HIVEP3: variants seen among roughly 807,000 people sequenced by gnomAD.
HIVEP3 encodes transcription factor HIVEP3.
Under a neutral mutation model 152.8 loss-of-function variants are expected in HIVEP3, and 49 were observed. That is an observed-to-expected ratio of 0.32 (90% CI 0.26 to 0.41). HIVEP3 has a LOEUF of 0.41. HIVEP3 is among the 10% of genes least tolerant of loss of function. The pLI, the probability that HIVEP3 is intolerant of heterozygous loss-of-function variation, is 1.00. For synonymous variants in HIVEP3, 1,269 were observed against 1,289.0 expected (o/e 0.98, Z 0.33); for missense variants, 2,790 against 3,103.3 (o/e 0.90, Z 2.40).
chr1:41,511,086 G>C lies in HIVEP3; in HGVS notation c.6586C>G (p.Pro2196Ala). The change falls in exon 9 of 9, where the codon CCC (proline) becomes GCC (alanine). Residue 2196 changes from proline to alanine, a missense_variant. Physicochemically the swap from Pro to Ala is conservative, Grantham distance 27. Coordinates refer to ENST00000372583, the MANE Select transcript of HIVEP3 (RefSeq NM_024503.5). The surrounding 1 kb of genome is among the most constrained non-coding windows in gnomAD (Gnocchi z 4.9). ...TGCACCATCTGGATCCCACCGATGG[G>C]AATCAAGGGACATGGGGCACGGGTC... The part of the protein sequence containing the change: ...HLTRAPCPLI[P>A]IGGIQMVQAR... 6.2e-7 allele frequency: 1 copy of C among 1,614,184 alleles called. No individual in the cohort carries two copies. Among genetic ancestry groups the C allele is most frequent in the Non-Finnish European group, 8.5e-7 (1 of 1,180,030 alleles).
At chr1:41,961,355 T>C (rs1645168544) in intron 1 of HIVEP3, among the ~76,000 whole-genome samples, 2 of 152,360 alleles carry the variant, frequency 1.3e-5, no homozygotes, top group South Asian at 4.1e-4. Context: ...ATTGCTATTA[T>C]TTTGAGCCAC....
intron 1 of HIVEP3, among the ~76,000 whole-genome samples, chr1:41,726,833 C>G (rs1218096225): frequency 6.6e-6 from 1 of 152,180 alleles, no homozygotes; most frequent in Non-Finnish European, 1.5e-5. Flanking sequence ...GAGGGCTGCC[C>G]TACCCTGAGT....
chr1:41,761,678 T>G (rs1244601182), intron 1 of HIVEP3, among the ~76,000 whole-genome samples: 1 of 152,128 alleles, frequency 6.6e-6, no homozygotes, highest in East Asian at 1.9e-4. Context: ...TATACATAAG[T>G]GTATGAGTAA....
intron 1 of HIVEP3, among the ~76,000 whole-genome samples, chr1:41,875,004 GACC>G (rs931933300): frequency 2.6e-5 from 4 of 152,314 alleles, no homozygotes; most frequent in African/African-American, 7.2e-5. Context: ...CACTTGGAAG[GACC>G]ACATCAATGA....
intron 1 of HIVEP3, among the ~76,000 whole-genome samples, chr1:41,766,554 T>C (rs1352050298): frequency 2.0e-5 from 3 of 152,242 alleles, no homozygotes; most frequent in Non-Finnish European, 4.4e-5. Flanking sequence ...CATTTTCCCA[T>C]TGTACAAATG....
chr1:41,537,874 AG>A (rs1448774016), intron 5 of HIVEP3, among the ~76,000 whole-genome samples: 2 of 152,258 alleles, frequency 1.3e-5, no homozygotes, highest in East Asian at 3.9e-4. Flanking sequence ...AGAGCCCACC[AG>A]CACAGTCTCT....
chr1:41,797,349 C>T (rs564066774), intron 1 of HIVEP3, among the ~76,000 whole-genome samples: 1 of 152,330 alleles, frequency 6.6e-6, no homozygotes, highest in African/African-American at 2.4e-5. Context: ...GAGAGCAGAG[C>T]ACAGTATGTG....
chr1:41,930,082 G>A (rs12093265), intron 1 of HIVEP3, among the ~76,000 whole-genome samples: 2,449 of 152,064 alleles, frequency 0.016, 68 homozygotes, highest in African/African-American at 0.057. Context: ...TGTTATACAC[G>A]TGCAATGCAG....
chr1:41,577,407 G>A (rs188418700), intron 4 of HIVEP3, among the ~76,000 whole-genome samples: 3 of 152,276 alleles, frequency 2.0e-5, no homozygotes, highest in Admixed American at 2.0e-4. Flanking sequence ...TAGCCAGTAG[G>A]TAAGGTAGTG....
At chr1:41,979,062 C>T (rs1157257313) in intron 1 of HIVEP3, among the ~76,000 whole-genome samples, 4 of 152,188 alleles carry the variant, frequency 2.6e-5, no homozygotes, top group South Asian at 2.1e-4. Flanking sequence ...GTTCTCAGCA[C>T]AGGGCACCTG....
chr1:42,015,124 A>C (rs1645514676), intron 1 of HIVEP3, among the ~76,000 whole-genome samples: 1 of 152,198 alleles, frequency 6.6e-6, no homozygotes, highest in African/African-American at 2.4e-5. Context: ...GGCCAACATC[A>C]AAATCCAACC....
chr1:41,517,779 G>A (rs948318888), intron 7 of HIVEP3, among the ~76,000 whole-genome samples: 2 of 152,200 alleles, frequency 1.3e-5, no homozygotes, highest in African/African-American at 4.8e-5. Context: ...CTCAGAGACT[G>A]ACTCTAAGAT....
At position 41,588,348 on chromosome 1, in the gene HIVEP3, G is replaced by A. The variant is rs140519479; in HGVS notation, c.-521-3030C>T. Among the ~76,000 whole-genome samples the A allele has an allele frequency of 3.2e-3, 481 of 152,294 alleles. 3 individuals carry two copies. The highest frequency in any genetic ancestry group is 0.011 in the African/African-American group (468 of 41,558). The stretch of plus-strand genomic sequence containing the variant: ...GCTTTGCTTCTTCCGATGGATGGAT[G>A]GGACCCTGCAGCATGACTGGGTGGT... On this transcript the variant is annotated intron_variant, in intron 3 of 8. Transcript: ENST00000372583.
rs558385317 is a variant in HIVEP3 at position 41,891,002 on chromosome 1, G to C, written c.-801+27411C>G. Among the ~76,000 whole-genome samples, 42 of 152,314 alleles carry C rather than the reference G, an allele frequency of 2.8e-4. 1 individual carries two copies. Among genetic ancestry groups the C allele is most frequent in the African/African-American group, 9.6e-4 (40 of 41,572 alleles). ...CCACACGGGAGCCCTGAAACGAGCA[G>C]GCCAGCTGGAGAGGTGGCCAACACA... On this transcript the variant is annotated intron_variant, in intron 1 of 8. Coordinates refer to ENST00000372583, the MANE Select transcript of HIVEP3 (RefSeq NM_024503.5).
intron 1 of HIVEP3, among the ~76,000 whole-genome samples, chr1:41,940,907 A>G (rs1344097819): frequency 3.9e-5 from 6 of 152,034 alleles, no homozygotes; most frequent in Admixed American, 3.9e-4. Context: ...AGAGAGAGAG[A>G]CAGAGAGAAA....
chr1:41,607,519 T>A lies in HIVEP3; in HGVS notation c.-522+21230A>T, dbSNP rs192455735. 1.4e-3 allele frequency among the ~76,000 whole-genome samples: 218 copies of A among 151,914 alleles called. 2 individuals carry two copies. The highest frequency in any genetic ancestry group is 0.013 in the Admixed American group (203 of 15,290). ...GTGAATGAAAGAACCTCTTACTTACTGTTAAGGATACTACTGATAATTTAG... is the reference window on the plus strand; with the variant it reads ...GTGAATGAAAGAACCTCTTACTTACAGTTAAGGATACTACTGATAATTTAG... On this transcript the variant is annotated intron_variant, in intron 3 of 8. Coordinates refer to ENST00000372583, the MANE Select transcript of HIVEP3 (RefSeq NM_024503.5).
intron 1 of HIVEP3, among the ~76,000 whole-genome samples, chr1:41,938,667 C>A (rs891717356): frequency 1.3e-5 from 2 of 152,192 alleles, no homozygotes. Flanking sequence ...GTCAGAGATA[C>A]AAATGATGAA....
At chr1:41,994,691 AC>A (rs762586488) in intron 1 of HIVEP3, among the ~76,000 whole-genome samples, 7 of 152,076 alleles carry the variant, frequency 4.6e-5, no homozygotes, top group African/African-American at 7.2e-5. Flanking sequence ...AGTCACTTAA[AC>A]CTCTTTTCTT....
intron 1 of HIVEP3, among the ~76,000 whole-genome samples, chr1:41,812,950 C>A (rs1651054640): frequency 6.6e-6 from 1 of 152,200 alleles, no homozygotes; most frequent in Admixed American, 6.5e-5. Context: ...AGTGCCTATG[C>A]ACTCTGGGGC....
Sources: allele counts gnomAD v4.1 joint callset (sites outside exome capture counted in the v4.1 genomes callset), GRCh38; gene constraint gnomAD v4.1.1; non-coding constraint Gnocchi (gnomAD v3.1); transcripts MANE v1.5; gene names NCBI Gene and HGNC (gene_info 2026-07-23, HGNC 2026-07-21).